Variants in WLS observed in about 807,000 individuals in gnomAD.
WLS encodes the protein protein wntless homolog.
Under a neutral mutation model 62.8 loss-of-function variants are expected in WLS, and 23 were observed. The ratio of observed to expected loss-of-function variants is 0.37; its 90% CI spans 0.26 to 0.52. The LOEUF is 0.52. Among genes scored for constraint, WLS ranks in the 20% least tolerant of loss-of-function variants. The pLI is 0.92. For synonymous variants in WLS, 246 were observed against 244.1 expected, an observed-to-expected ratio of 1.01 and a Z score of -0.07; for missense variants, 615 against 697.3, an observed-to-expected ratio of 0.88 and a Z score of 1.33.
intron 2 of WLS, chr1:68,162,960 C>T: frequency 6.3e-7 from 1 of 1,592,336 alleles, no homozygotes; most frequent in East Asian, 2.2e-5. Flanking sequence ...CTCCACAGTG[C>T]AGTCGCGGCC....
rs182136397 is a variant in WLS, at chr1:68,126,150, C to T, written c.*76G>A. 1.8e-3 allele frequency: 2,827 copies of T among 1,576,280 alleles called. 37 individuals carry two copies. In the Admixed American group the frequency reaches 0.026, roughly 14 times the overall value. ...GAGGCATTCATTTGTACATTGAGCT[C>T]TCTCTGGCATGCTCCCCACTCTAGT... On this transcript the variant is annotated 3_prime_UTR_variant, in exon 12 of 12. Transcript: ENST00000262348.
intron 2 of WLS, among the ~76,000 whole-genome samples, chr1:68,178,658 A>G (rs1290576297): frequency 6.6e-6 from 1 of 151,240 alleles, no homozygotes; most frequent in Non-Finnish European, 1.5e-5. Context: ...GTGAGCCAAG[A>G]TCACGCCACT....
intron 11 of WLS, among the ~76,000 whole-genome samples, chr1:68,102,995 G>A (rs80284469): frequency 2.6e-5 from 4 of 151,274 alleles, no homozygotes; most frequent in African/African-American, 9.7e-5. Context: ...CCTTTTTTTT[G>A]CCGGGGGCAC....
intron 4 of WLS, 98 bp from the exon 5 acceptor site, chr1:68,153,751 T>C: frequency 1.3e-6 from 2 of 1,506,302 alleles, no homozygotes; most frequent in Middle Eastern, 2.1e-4. Context: ...GGAGACCTCG[T>C]CTGCGAATGT....
At chr1:68,163,194 C>T in intron 2 of WLS, 1 of 713,098 alleles carries the variant, frequency 1.4e-6, no homozygotes, top group Admixed American at 2.4e-5. Flanking sequence ...TATGAACCCA[C>T]TATAAATCTG....
intron 11 of WLS, chr1:68,098,872 G>T: frequency 7.1e-7 from 1 of 1,411,222 alleles, no homozygotes; most frequent in South Asian, 1.6e-5. Context: ...TAAATTTCTA[G>T]TGGAGTGTTT....
At chr1:68,227,405 C>CAAAAAAAAA (rs59704442) in intron 1 of WLS, among the ~76,000 whole-genome samples, 1 of 112,858 alleles carries the variant, frequency 8.9e-6, no homozygotes. Context: ...GACTCCGTCA[C>CAAAAAAAAA]AAAAAAAAAA....
chr1:68,155,341 A>C lies in WLS; in HGVS notation c.505-81T>G. On this transcript the variant is annotated intron_variant, in intron 3 of 11. Transcript: ENST00000262348. ...TGAATTCTGTTACCCTGGATCCATA[A>C]CATCAATTGTAAGCAGCTAATGCTT... 4 of 1,493,780 alleles carry C rather than the reference A, an allele frequency of 2.7e-6. No homozygotes were observed. In the South Asian group the frequency reaches 4.1e-5, roughly 15 times the overall value. 92.5% of individuals were successfully genotyped at this position (1,493,780 alleles called of 1,614,324 possible). A position where few individuals can be genotyped will look rare whatever the true frequency, so the allele number is the denominator to read the frequency against.
intron 11 of WLS, chr1:68,098,857 C>T (rs1646041076): frequency 6.9e-7 from 1 of 1,443,416 alleles, no homozygotes; most frequent in South Asian, 1.5e-5. Context: ...AAATTTTTAC[C>T]TACATAAATT....
At chr1:68,112,694 C>T (rs1326015877) in intron 11 of WLS, among the ~76,000 whole-genome samples, 1 of 152,192 alleles carries the variant, frequency 6.6e-6, no homozygotes, top group East Asian at 1.9e-4. Flanking sequence ...TGAAAAGTGT[C>T]CTTGTACCTC....
At chr1:68,162,742 C>T in intron 2 of WLS, 1 of 1,143,716 alleles carries the variant, frequency 8.7e-7, no homozygotes, top group Non-Finnish European at 1.3e-6. Context: ...TCCGAGCTCG[C>T]TGGCAGCCTT....
At chr1:68,199,600 T>A (rs973863339) in intron 1 of WLS, among the ~76,000 whole-genome samples, 1 of 152,204 alleles carries the variant, frequency 6.6e-6, no homozygotes, top group Admixed American at 6.5e-5. Flanking sequence ...AAAACTGTAG[T>A]ACTACTCTTA....
intron 1 of WLS, among the ~76,000 whole-genome samples, chr1:68,223,476 G>A (rs1267484923): frequency 6.6e-6 from 1 of 152,136 alleles, no homozygotes; most frequent in Non-Finnish European, 1.5e-5. Flanking sequence ...ACTCAAAGAA[G>A]GAAAAGAATG....
chr1:68,126,185 T>G lies in WLS; in HGVS notation c.*41A>C, dbSNP rs765058037. 2.4e-5 allele frequency: 39 copies of G among 1,611,710 alleles called. No individual in the cohort carries two copies. The South Asian group carries it at 4.1e-4, about 17-fold the overall frequency. ...TGCTCCCCACTCTAGTTAGAGGGGC[T>G]GGGGTATGGAGAGACCGTCCCAGCC... On this transcript the variant is annotated 3_prime_UTR_variant, in exon 12 of 12. Coordinates refer to ENST00000262348, the MANE Select transcript of WLS (RefSeq NM_024911.7).
chr1:68,209,948 C>T (rs1371857004), intron 1 of WLS, among the ~76,000 whole-genome samples: 1 of 152,166 alleles, frequency 6.6e-6, no homozygotes, highest in African/African-American at 2.4e-5. Context: ...TCTCAGGCCA[C>T]ACTGTTTCTC....
chr1:68,106,590 C>T lies in WLS; in HGVS notation c.1511-7837G>A, dbSNP rs535892304. 7.1e-4 allele frequency among the ~76,000 whole-genome samples: 108 copies of T among 152,324 alleles called. 1 individual carries two copies. Among genetic ancestry groups the T allele is most frequent in the Admixed American group, 7.0e-3 (107 of 15,302 alleles). On this transcript the variant is annotated intron_variant, in intron 11 of 11. Coordinates refer to the WLS transcript ENST00000354777. ...TGTCCCTTGCAAACCTAGGTACCTGCTGCTCACTGTTCAATGGTGGCAGAC... is the reference window on the plus strand; with the variant it reads ...TGTCCCTTGCAAACCTAGGTACCTGTTGCTCACTGTTCAATGGTGGCAGAC...
At chr1:68,193,442 AC>A (rs1648475924) in intron 2 of WLS, among the ~76,000 whole-genome samples, 4 of 101,586 alleles carry the variant, frequency 3.9e-5, no homozygotes, top group African/African-American at 1.2e-4. Flanking sequence ...AAAAAAAAAA[AC>A]GAAAAAAAAA....
rs549728346 is a variant in WLS at position 68,147,589 on chromosome 1, T to C, written c.1134+547A>G. Among the ~76,000 whole-genome samples the C allele has an allele frequency of 8.5e-5, 13 of 152,332 alleles. No individual in the cohort carries two copies. In the South Asian group the frequency reaches 2.1e-3, roughly 24 times the overall value. ...TCCTAAAAGGGATAAGCTAAGACTG[T>C]CACTTCTGCTTCATGAAGATGACTT... On this transcript the variant is annotated intron_variant, in intron 8 of 11. Transcript: ENST00000262348.
At chr1:68,173,517 T>C (rs1038561410) in intron 2 of WLS, among the ~76,000 whole-genome samples, 18 of 152,168 alleles carry the variant, frequency 1.2e-4, no homozygotes, top group Non-Finnish European at 2.1e-4. Context: ...AGCTGCATTG[T>C]CATACAGTAA....
Sources: allele counts gnomAD v4.1 joint callset (sites outside exome capture counted in the v4.1 genomes callset), GRCh38; gene constraint gnomAD v4.1.1; transcripts MANE v1.5; gene names NCBI Gene and HGNC (gene_info 2026-07-23, HGNC 2026-07-21).